The following SEPTIN9 variants were observed in gnomAD, a reference collection of about 807,000 sequenced individuals.
SEPTIN9 encodes septin 9, also known as septin-9.
SEPTIN9 carries 13 observed loss-of-function variants against 56.6 expected under a neutral mutation model. The ratio of observed to expected loss-of-function variants is 0.23; its 90% CI spans 0.15 to 0.37. The LOEUF (loss-of-function observed/expected upper bound fraction) is 0.37, where lower values mean the gene tolerates loss of function less well. Ranked by LOEUF, SEPTIN9 falls within the 10% of genes least tolerant of loss-of-function variation. The probability of loss-of-function intolerance (pLI) is 1.00; values close to 1 mark genes in which losing one functional copy is unlikely to be tolerated. For synonymous variants in SEPTIN9, 332 were observed against 334.1 expected, an observed-to-expected ratio of 0.99 and a Z score of 0.07; for missense variants, 650 against 823.1, an observed-to-expected ratio of 0.79 and a Z score of 2.57.
intron 3 of SEPTIN9, among the ~76,000 whole-genome samples, chr17:77,407,852 C>G (rs2144128662): frequency 6.6e-6 from 1 of 152,338 alleles, no homozygotes; most frequent in Non-Finnish European, 1.5e-5. Context: ...CTTGCCTCCT[C>G]TCCTGGATCC....
Position 77,356,819 on chromosome 17 carries a change from G to A in SEPTIN9, c.77-45240G>A, listed in dbSNP as rs2574838. Among the ~76,000 whole-genome samples the A allele has an allele frequency of 5.3e-3, 783 of 147,304 alleles. 9 individuals carry two copies. Among genetic ancestry groups the A allele is most frequent in the African/African-American group, 0.018 (724 of 39,500 alleles). ...TCTGGTGGGCTCTGGCAGGCCAGGC[G>A]CTGAGCAGCCTCAGGAGACACAACC... On this transcript the variant is annotated intron_variant, in intron 2 of 11. Coordinates refer to ENST00000427177, the MANE Select transcript of SEPTIN9 (RefSeq NM_001113491.2).
intron 2 of SEPTIN9, among the ~76,000 whole-genome samples, chr17:77,341,804 C>T (rs1406722661): frequency 1.5e-5 from 2 of 129,278 alleles, no homozygotes; most frequent in African/African-American, 2.7e-5. Flanking sequence ...AAAAAAGGGC[C>T]GGGCGCAGTG....
At chr17:77,315,796 A>C (rs1004061748) in intron 2 of SEPTIN9, among the ~76,000 whole-genome samples, 1 of 152,192 alleles carries the variant, frequency 6.6e-6, no homozygotes, top group Non-Finnish European at 1.5e-5. Context: ...GGAGCTGTGA[A>C]CCAGTGATGC....
intron 7 of SEPTIN9, 96 bp from the exon 8 acceptor site, chr17:77,490,646 G>A (rs976567600): frequency 1.0e-6 from 1 of 972,810 alleles, no homozygotes; most frequent in Non-Finnish European, 1.6e-6. Flanking sequence ...TGAGCCCCGA[G>A]CCAGCACCTG....
At chr17:77,448,485 A>C (rs1009624291) in intron 3 of SEPTIN9, among the ~76,000 whole-genome samples, 2 of 127,336 alleles carry the variant, frequency 1.6e-5, no homozygotes, top group African/African-American at 5.9e-5. Context: ...CCCGGCAACC[A>C]AAAAAAAAAA....
At chr17:77,413,486 A>G (rs2036377530) in intron 3 of SEPTIN9, among the ~76,000 whole-genome samples, 2 of 152,204 alleles carry the variant, frequency 1.3e-5, no homozygotes, top group Admixed American at 6.5e-5. Flanking sequence ...GGTGATTGAC[A>G]TGATTGATCA....
At chr17:77,401,483 C>T (rs1404326828) in intron 2 of SEPTIN9, among the ~76,000 whole-genome samples, 5 of 152,110 alleles carry the variant, frequency 3.3e-5, no homozygotes, top group East Asian at 3.9e-4. Context: ...CGGTGGCGCA[C>T]GCCTGTAATC....
At chr17:77,314,337 TG>T in intron 2 of SEPTIN9, among the ~76,000 whole-genome samples, 1 of 133,496 alleles carries the variant, frequency 7.5e-6, no homozygotes. Context: ...CCACTGTGCC[TG>T]GACTTTTTTT....
At chr17:77,339,764 C>T (rs2143750137) in intron 2 of SEPTIN9, among the ~76,000 whole-genome samples, 1 of 151,916 alleles carries the variant, frequency 6.6e-6, no homozygotes, top group East Asian at 1.9e-4. Flanking sequence ...CCTGCCTCAG[C>T]CTCTCAAAGC....
At chr17:77,491,667 A>G (rs2040033139) in intron 8 of SEPTIN9, among the ~76,000 whole-genome samples, 1 of 151,718 alleles carries the variant, frequency 6.6e-6, no homozygotes, top group African/African-American at 2.4e-5. Context: ...TTAGTCGGGC[A>G]TGGTGGCGGG....
At chr17:77,461,122 T>G (rs1368279089) in intron 3 of SEPTIN9, among the ~76,000 whole-genome samples, 1 of 151,714 alleles carries the variant, frequency 6.6e-6, no homozygotes, top group Admixed American at 6.6e-5. Context: ...CTGGCCAACA[T>G]GGAGAAACCC....
chr17:77,360,418 C>G (rs1370044638), intron 2 of SEPTIN9, among the ~76,000 whole-genome samples: 1 of 152,236 alleles, frequency 6.6e-6, no homozygotes, highest in East Asian at 1.9e-4. Context: ...CTTTTCCCAA[C>G]TCTGTGTTTA....
At chr17:77,312,620 A>C (rs1435801293) in intron 2 of SEPTIN9, among the ~76,000 whole-genome samples, 1 of 152,208 alleles carries the variant, frequency 6.6e-6, no homozygotes, top group East Asian at 1.9e-4. Flanking sequence ...CGTGGCAGGC[A>C]GTCAGGAAAT....
In SEPTIN9 at chr17:77,451,474, T is replaced by A; in HGVS notation, c.722-30670T>A. ...CTCGGCTCTGAGCCATGTGACCCGG[T>A]GGGCGGGCCGCGGCTCTCGGCGCGT... On this transcript the variant is annotated intron_variant, in intron 3 of 11. Transcript: ENST00000427177. The surrounding 1 kb of genome is among the most constrained non-coding windows in gnomAD (Gnocchi z 4.2). 4 of 985,844 alleles carry A rather than the reference T, an allele frequency of 4.1e-6. No individual in the cohort carries two copies. Among genetic ancestry groups the A allele is most frequent in the Non-Finnish European group, 4.8e-6 (4 of 830,280 alleles). The allele number at this position is 985,844 out of a possible 1,614,324, so 61.1% of individuals were successfully genotyped here. A position where few individuals can be genotyped will look rare whatever the true frequency, so the allele number is the denominator to read the frequency against.
chr17:77,444,910 A>G (rs1404621216), intron 3 of SEPTIN9: 2 of 355,670 alleles, frequency 5.6e-6, no homozygotes, highest in Non-Finnish European at 1.2e-5. Flanking sequence ...CAGTTTGAGG[A>G]GGTAGATAGG....
chr17:77,371,531 A>G lies in SEPTIN9; in HGVS notation c.77-30528A>G, dbSNP rs1295412728. ...GGATGGCTGTTGTGCCGGACCCGGCATCTTCCCAGGGGGGCTGTGTTGTTG... is the reference window on the plus strand; with the variant it reads ...GGATGGCTGTTGTGCCGGACCCGGCGTCTTCCCAGGGGGGCTGTGTTGTTG... On this transcript the variant is annotated intron_variant, in intron 2 of 11. Transcript: ENST00000427177. This position sits in a 1 kb window ranked among gnomAD's most constrained non-coding sequence, Gnocchi z 4.1. 6.6e-6 allele frequency among the ~76,000 whole-genome samples: 1 copy of G among 152,226 alleles called. No homozygotes were observed. The highest frequency in any genetic ancestry group is 6.5e-5 in the Admixed American group (1 of 15,282).
intron 2 of SEPTIN9, among the ~76,000 whole-genome samples, chr17:77,316,139 G>A (rs1464782258): frequency 6.6e-6 from 1 of 152,218 alleles, no homozygotes; most frequent in Non-Finnish European, 1.5e-5. Flanking sequence ...AACCTCTTCA[G>A]TGTTCCTCTG....
At position 77,436,471 on chromosome 17, in the gene SEPTIN9, C is replaced by T. The variant is rs1187015522; in HGVS notation, c.721+33768C>T. On this transcript the variant is annotated intron_variant, in intron 3 of 11. Transcript: ENST00000427177. This position sits in a 1 kb window ranked among gnomAD's most constrained non-coding sequence, Gnocchi z 4.4. ...CCTCACTTTCTCCCCGCAGATGGGA[C>T]GGGGGCGGGGCTGGAGCCAGCGGGG... Among the ~76,000 whole-genome samples, 6 of 150,388 alleles carry T rather than the reference C, an allele frequency of 4.0e-5. No homozygotes were observed. The highest frequency in any genetic ancestry group is 4.2e-4 in the South Asian group (2 of 4,732).
chr17:77,491,563 A>G (rs958918803), intron 8 of SEPTIN9, among the ~76,000 whole-genome samples: 5 of 151,204 alleles, frequency 3.3e-5, no homozygotes, highest in Admixed American at 6.6e-5. Flanking sequence ...CTGTAATCCC[A>G]GCACTTTGGG....
Sources: gnomAD v4.1 joint callset for allele counts (sites outside exome capture counted in the v4.1 genomes callset) on GRCh38, gnomAD v4.1.1 for gene constraint, Gnocchi (gnomAD v3.1) non-coding constraint, MANE v1.5 for transcripts, NCBI Gene and HGNC (gene_info 2026-07-23, HGNC 2026-07-21) for gene names.